The following SMAD1 variants were observed in gnomAD, a reference collection of about 807,000 sequenced individuals.
The protein encoded by SMAD1 is MAD, mothers against decapentaplegic homolog 1.
Under a neutral mutation model 41.6 loss-of-function variants are expected in SMAD1, and 6 were observed. The ratio of observed to expected loss-of-function variants is 0.14; its 90% CI spans 0.08 to 0.28. The LOEUF (loss-of-function observed/expected upper bound fraction) is 0.28. Among genes scored for constraint, SMAD1 ranks in the 10% least tolerant of loss-of-function variants. The pLI is 1.00. For synonymous variants in SMAD1, 206 were observed against 203.2 expected, an observed-to-expected ratio of 1.01 and a Z score of -0.12; for missense variants, 379 against 582.6, an observed-to-expected ratio of 0.65 and a Z score of 3.60.
At chr4:145,543,223 T>G (rs1167655213) in intron 4 of SMAD1, among the ~76,000 whole-genome samples, 3 of 152,214 alleles carry the variant, frequency 2.0e-5, no homozygotes, top group Non-Finnish European at 4.4e-5. Flanking sequence ...CACCTTGGCC[T>G]CCCAAAGTGC....
At chr4:145,551,197 C>A (rs1318898293) in intron 5 of SMAD1, among the ~76,000 whole-genome samples, 1 of 152,136 alleles carries the variant, frequency 6.6e-6, no homozygotes, top group Non-Finnish European at 1.5e-5. Context: ...TCAGACTATA[C>A]TGTTATAAAA....
chr4:145,512,405 G>C (rs1193218825), intron 1 of SMAD1, among the ~76,000 whole-genome samples: 3 of 152,108 alleles, frequency 2.0e-5, no homozygotes, highest in Non-Finnish European at 2.9e-5. Flanking sequence ...GAGCCATTAT[G>C]TCTCCTTAGT....
In SMAD1 at chr4:145,543,620, G is replaced by A. The variant is rs563610191; in HGVS notation, c.775+922G>A. 1.6e-4 allele frequency among the ~76,000 whole-genome samples: 24 copies of A among 152,212 alleles called. No individual in the cohort carries two copies. The South Asian group carries it at 3.7e-3, about 24-fold the overall frequency. ...TAAAGGGTGGGTCTTTGATTCCAGC[G>A]CTGTATATATCCTTAGCAGTGACCG... On this transcript the variant is annotated intron_variant, in intron 4 of 6. Coordinates refer to ENST00000302085, the MANE Select transcript of SMAD1 (RefSeq NM_005900.3).
rs539315166 is a variant in SMAD1 at position 145,518,601 on chromosome 4, A to C, written c.400+3588A>C. On this transcript the variant is annotated intron_variant, in intron 2 of 6. Coordinates refer to ENST00000302085, the MANE Select transcript of SMAD1 (RefSeq NM_005900.3). ...CTGGGTATTGTTTTTGTGAAATCAG[A>C]AAAAGGGGGTCTGGAATTCTAAGCT... Among the ~76,000 whole-genome samples the C allele has an allele frequency of 3.2e-5, 4 of 126,558 alleles. 1 individual carries two copies. Among genetic ancestry groups the C allele is most frequent in the African/African-American group, 1.0e-4 (4 of 39,600 alleles). The allele number at this position is 126,558 out of a possible 152,430, so 83.0% of individuals were successfully genotyped here. A position where few individuals can be genotyped will look rare whatever the true frequency, so the allele number is the denominator to read the frequency against.
chr4:145,532,985 ATTC>A (rs1353825893), intron 2 of SMAD1, among the ~76,000 whole-genome samples: 1 of 152,228 alleles, frequency 6.6e-6, no homozygotes, highest in Non-Finnish European at 1.5e-5. Flanking sequence ...TATTTTAATT[ATTC>A]TTTACTGAAA....
At chr4:145,518,246 C>A (rs573257621) in intron 2 of SMAD1, among the ~76,000 whole-genome samples, 1 of 125,974 alleles carries the variant, frequency 7.9e-6, no homozygotes, top group East Asian at 2.0e-4. Context: ...CCATTACGTT[C>A]TAGCCTGGGC....
chr4:145,537,779 C>T (rs1731697435), intron 2 of SMAD1, among the ~76,000 whole-genome samples: 1 of 152,156 alleles, frequency 6.6e-6, no homozygotes, highest in Non-Finnish European at 1.5e-5. Flanking sequence ...TTCTTCCTCC[C>T]TCACTGCCCC....
At chr4:145,533,060 A>G (rs1392051754) in intron 2 of SMAD1, among the ~76,000 whole-genome samples, 14 of 152,218 alleles carry the variant, frequency 9.2e-5, no homozygotes. Context: ...GGAGAGAACC[A>G]CGCATTGTCC....
chr4:145,552,174 T>G (rs981167911), intron 5 of SMAD1, among the ~76,000 whole-genome samples: 2 of 152,214 alleles, frequency 1.3e-5, no homozygotes, highest in Non-Finnish European at 2.9e-5. Context: ...GGATGAAAAT[T>G]TGTCATTTTT....
chr4:145,555,000 T>G (rs1413314322), intron 6 of SMAD1, among the ~76,000 whole-genome samples: 1 of 152,180 alleles, frequency 6.6e-6, no homozygotes, highest in African/African-American at 2.4e-5. Context: ...AAAGATATCT[T>G]TTCCTGAATA....
At chr4:145,501,272 G>C (rs1442452311) in intron 1 of SMAD1, among the ~76,000 whole-genome samples, 3 of 152,204 alleles carry the variant, frequency 2.0e-5, no homozygotes, top group Non-Finnish European at 4.4e-5. Context: ...AATTAGGAGG[G>C]AAGTGATTTT....
rs1728245123 is a variant in SMAD1 at position 145,482,494 on chromosome 4, C to T, written c.-177+456C>T. On this transcript the variant is annotated intron_variant, in intron 1 of 6. Coordinates refer to ENST00000302085, the MANE Select transcript of SMAD1 (RefSeq NM_005900.3). This position sits in a 1 kb window ranked among gnomAD's most constrained non-coding sequence, Gnocchi z 4.2. ...GCGTGGCCCGCGGACCCATTGTGTCCCCCGCGCCGGCGGGGCGACCCCTGC... is the reference window on the plus strand; with the variant it reads ...GCGTGGCCCGCGGACCCATTGTGTCTCCCGCGCCGGCGGGGCGACCCCTGC... 1 of 152,018 alleles carries T rather than the reference C, an allele frequency of 6.6e-6. No individual in the cohort carries two copies. Among genetic ancestry groups the T allele is most frequent in the African/African-American group, 2.4e-5 (1 of 41,384 alleles). 9.4% of individuals were successfully genotyped at this position (152,018 alleles called of 1,614,324 possible).
At chr4:145,527,863 ATTT>A (rs199585690) in intron 2 of SMAD1, among the ~76,000 whole-genome samples, 1 of 138,998 alleles carries the variant, frequency 7.2e-6, no homozygotes. Flanking sequence ...TTGATCAGTA[ATTT>A]TTTTTTTTTT....
intron 2 of SMAD1, among the ~76,000 whole-genome samples, chr4:145,534,334 GCAT>G (rs2126493152): frequency 6.6e-6 from 1 of 152,308 alleles, no homozygotes; most frequent in African/African-American, 2.4e-5. Flanking sequence ...GGGCATTTCA[GCAT>G]CATCAAGATA....
intron 5 of SMAD1, among the ~76,000 whole-genome samples, chr4:145,547,791 G>A (rs750723861): frequency 5.3e-5 from 8 of 152,194 alleles, no homozygotes; most frequent in Non-Finnish European, 8.8e-5. Flanking sequence ...TCTGATTTTA[G>A]TAATACATAT....
chr4:145,505,849 A>T (rs1560733095), intron 1 of SMAD1, among the ~76,000 whole-genome samples: 3 of 146,216 alleles, frequency 2.1e-5, no homozygotes, highest in African/African-American at 5.0e-5. Flanking sequence ...AGGTCAAACA[A>T]TTTTTTTTTT....
intron 5 of SMAD1, among the ~76,000 whole-genome samples, chr4:145,549,279 C>G (rs1732425300): frequency 6.6e-6 from 1 of 152,040 alleles, no homozygotes; most frequent in Non-Finnish European, 1.5e-5. Flanking sequence ...TAGATTAGAC[C>G]AATGTTAAAT....
chr4:145,493,950 T>C (rs888863254), intron 1 of SMAD1, among the ~76,000 whole-genome samples: 3 of 152,190 alleles, frequency 2.0e-5, no homozygotes, highest in Non-Finnish European at 4.4e-5. Flanking sequence ...ACTTCTACCT[T>C]ACTTTATTCT....
In SMAD1 at chr4:145,529,364, A is replaced by T. The variant is rs545824172; in HGVS notation, c.401-10440A>T. Among the ~76,000 whole-genome samples the T allele has an allele frequency of 3.3e-5, 5 of 152,318 alleles. No homozygotes were observed. The East Asian group carries it at 7.7e-4, about 23-fold the overall frequency. ...ACTTGGCAAAAGAAAGGAAACTACC[A>T]GGGTGAAAGTAGGAAGAGAAAAGAC... is the stretch of plus-strand genomic sequence containing the variant. On this transcript the variant is annotated intron_variant, in intron 2 of 6. Transcript: ENST00000302085.
Sources: gnomAD v4.1 joint callset for allele counts (sites outside exome capture counted in the v4.1 genomes callset) on GRCh38, gnomAD v4.1.1 for gene constraint, Gnocchi (gnomAD v3.1) non-coding constraint, MANE v1.5 for transcripts, NCBI Gene and HGNC (gene_info 2026-07-23, HGNC 2026-07-21) for gene names.